SDK2: variants seen among roughly 807,000 people sequenced by gnomAD.
SDK2 encodes the protein sidekick cell adhesion molecule 2, also known as protein sidekick-2.
SDK2 carries 105 observed loss-of-function variants against 253.9 expected under a neutral mutation model. The observed-to-expected ratio is 0.41, with a 90% confidence interval of 0.35 to 0.49. The LOEUF is 0.49. Among genes scored for constraint, SDK2 ranks in the 20% least tolerant of loss-of-function variants. The pLI is 0.06. For missense variants in SDK2, 2,608 were observed against 3,003.0 expected (o/e 0.87, Z 3.07); for synonymous variants, 1,249 against 1,234.9 (o/e 1.01, Z -0.24).
intron 1 of SDK2, among the ~76,000 whole-genome samples, chr17:73,527,295 C>A (rs747528910): frequency 3.3e-5 from 5 of 152,156 alleles, no homozygotes; most frequent in Middle Eastern, 3.4e-3. Context: ...AGAAATGCAA[C>A]GTGAAGCAGG....
At position 73,465,105 on chromosome 17, in the gene SDK2, A is replaced by C. The variant is rs565406578; in HGVS notation, c.331+7007T>G. Among the ~76,000 whole-genome samples the C allele has an allele frequency of 6.6e-6, 1 of 152,290 alleles. No homozygotes were observed. Among genetic ancestry groups the C allele is most frequent in the East Asian group, 1.9e-4 (1 of 5,178 alleles). ...AGGAACTGTCACTTGGCCCCTAAGC[A>C]TCCTGCATTCAATACCCACACCTCA... On this transcript the variant is annotated intron_variant, in intron 3 of 44. Coordinates refer to ENST00000392650, the MANE Select transcript of SDK2 (RefSeq NM_001144952.2). The surrounding 1 kb of genome is among the most constrained non-coding windows in gnomAD (Gnocchi z 4.2).
At position 73,336,304 on chromosome 17, in the gene SDK2, C is replaced by G. The variant is rs2062377549; in HGVS notation, c.*2283G>C. 6.6e-6 allele frequency: 1 copy of G among 152,226 alleles called. No homozygotes were observed. Among genetic ancestry groups the G allele is most frequent in the East Asian group, 1.9e-4 (1 of 5,176 alleles). 9.4% of individuals were successfully genotyped at this position (152,226 alleles called of 1,614,324 possible). Reference sequence around the variant, plus strand: ...CTGCAGAGGGTGGGGGCGGAGGTGGCAGGGGTGGAGCAGGTGTCCAGCTGA... The same window carrying G: ...CTGCAGAGGGTGGGGGCGGAGGTGGGAGGGGTGGAGCAGGTGTCCAGCTGA... On this transcript the variant is annotated 3_prime_UTR_variant, in exon 45 of 45. Coordinates refer to ENST00000392650, the MANE Select transcript of SDK2 (RefSeq NM_001144952.2).
At chr17:73,505,206 T>C (rs1165139971) in intron 2 of SDK2, among the ~76,000 whole-genome samples, 3 of 152,352 alleles carry the variant, frequency 2.0e-5, no homozygotes, top group African/African-American at 7.2e-5. Flanking sequence ...GCAATCCTTC[T>C]TCAATGAGAG....
chr17:73,415,818 C>T lies in SDK2; in HGVS notation c.2361G>A (p.Leu787=), dbSNP rs1334771323. 23 of 1,552,284 alleles carry T rather than the reference C, an allele frequency of 1.5e-5. No homozygotes were observed. The highest frequency in any genetic ancestry group is 1.7e-4 in the Middle Eastern group (1 of 6,014). The change falls in exon 17 of 45, where the codon CTG becomes CTA. Residue 787 remains leucine (L), a synonymous_variant. Coordinates refer to ENST00000392650, the MANE Select transcript of SDK2 (RefSeq NM_001144952.2). ...VYSSKVTEWT[L]QGVPTVPPGN... is the part of the protein sequence containing the mutation. Reference sequence around the variant, plus strand: ...ACCACAGTCTCTACCTACCTCCCTGCAGCGTCCACTCGGTGACTTTACTGC... The same window carrying T: ...ACCACAGTCTCTACCTACCTCCCTGTAGCGTCCACTCGGTGACTTTACTGC...
intron 1 of SDK2, among the ~76,000 whole-genome samples, chr17:73,607,683 G>T (rs1478901631): frequency 1.3e-5 from 2 of 152,124 alleles, no homozygotes; most frequent in African/African-American, 4.8e-5. Context: ...TTCCAGAAGG[G>T]GTTGCAGGGC....
intron 1 of SDK2, among the ~76,000 whole-genome samples, chr17:73,595,640 C>A (rs762128227): frequency 1.1e-4 from 16 of 152,200 alleles, no homozygotes; most frequent in Non-Finnish European, 2.1e-4. Flanking sequence ...ATGGCCCCAG[C>A]TGTTCACCAC....
intron 1 of SDK2, among the ~76,000 whole-genome samples, chr17:73,547,389 G>A (rs1455248868): frequency 6.6e-6 from 1 of 152,240 alleles, no homozygotes; most frequent in Non-Finnish European, 1.5e-5. Context: ...GGAGGCTTTG[G>A]GCTTGGATTG....
At chr17:73,622,090 C>T (rs1402451189) in intron 1 of SDK2, among the ~76,000 whole-genome samples, 1 of 152,230 alleles carries the variant, frequency 6.6e-6, no homozygotes, top group East Asian at 1.9e-4. Flanking sequence ...GGACACCAAT[C>T]CATGTGTCCA....
At chr17:73,382,616 C>A (rs2062840019) in intron 33 of SDK2, among the ~76,000 whole-genome samples, 1 of 152,270 alleles carries the variant, frequency 6.6e-6, no homozygotes, top group African/African-American at 2.4e-5. Context: ...GCAGCATTTT[C>A]TCCAAAGCCC....
chr17:73,444,660 G>C (rs905219946), intron 5 of SDK2, among the ~76,000 whole-genome samples: 1 of 152,228 alleles, frequency 6.6e-6, no homozygotes, highest in African/African-American at 2.4e-5. Flanking sequence ...GAGGCTCAGA[G>C]ACCATGTGAC....
At chr17:73,354,072 C>T (rs556989893) in intron 40 of SDK2, among the ~76,000 whole-genome samples, 23 of 152,092 alleles carry the variant, frequency 1.5e-4, no homozygotes, top group Admixed American at 5.9e-4. Context: ...GATAGGGTCT[C>T]GCTCGGTTGC....
At chr17:73,620,363 T>C (rs1228348825) in intron 1 of SDK2, among the ~76,000 whole-genome samples, 2 of 152,176 alleles carry the variant, frequency 1.3e-5, no homozygotes, top group Non-Finnish European at 2.9e-5. Context: ...TCAGCTATAA[T>C]TAAACAAATG....
At position 73,424,831 on chromosome 17, in the gene SDK2, G is replaced by A. The variant is rs529167309; in HGVS notation, c.1584-739C>T. On this transcript the variant is annotated intron_variant, in intron 12 of 44. Coordinates refer to ENST00000392650, the MANE Select transcript of SDK2 (RefSeq NM_001144952.2). Reference sequence around the variant, plus strand: ...GCCCCGTTCAGCTGGGGTACAGGGTGGGGGCCTGAGCTGCTGGCTCCCAGG... The same window carrying A: ...GCCCCGTTCAGCTGGGGTACAGGGTAGGGGCCTGAGCTGCTGGCTCCCAGG... 3.9e-5 allele frequency among the ~76,000 whole-genome samples: 6 copies of A among 152,324 alleles called. No individual in the cohort carries two copies. In the East Asian group the frequency reaches 5.8e-4, roughly 15 times the overall value.
In SDK2 at chr17:73,382,077, G is replaced by A. The variant is rs1293342814; in HGVS notation, c.4706-1127C>T. 4.6e-5 allele frequency among the ~76,000 whole-genome samples: 7 copies of A among 152,012 alleles called. No homozygotes were observed. In the East Asian group the frequency reaches 5.8e-4, roughly 13 times the overall value. On this transcript the variant is annotated intron_variant, in intron 33 of 44. Transcript: ENST00000392650. Reference sequence around the variant, plus strand: ...TAAAATTACAAAAAATTAGCTGGGCGTGGTAGTGTGCGCCGTTAATCCCAG... The same window carrying A: ...TAAAATTACAAAAAATTAGCTGGGCATGGTAGTGTGCGCCGTTAATCCCAG...
chr17:73,565,910 G>A (rs1034170359), intron 1 of SDK2, among the ~76,000 whole-genome samples: 1 of 152,188 alleles, frequency 6.6e-6, no homozygotes. Context: ...TGCAAGCTCC[G>A]CCTCCCAGGT....
chr17:73,482,305 G>A (rs1395550121), intron 2 of SDK2, among the ~76,000 whole-genome samples: 4 of 151,666 alleles, frequency 2.6e-5, no homozygotes, highest in Admixed American at 2.6e-4. Flanking sequence ...TCTGTCTCCT[G>A]TTGGTTCTGG....
At position 73,618,130 on chromosome 17, in the gene SDK2, G is replaced by A. The variant is rs1026546253; in HGVS notation, c.64+25895C>T. On this transcript the variant is annotated intron_variant, in intron 1 of 44. Transcript: ENST00000392650. The surrounding 1 kb of genome is among the most constrained non-coding windows in gnomAD (Gnocchi z 4.1). The stretch of plus-strand genomic sequence containing the variant: ...ATACCAGGCAAATGCAAGAGACCTT[G>A]AACCAATAGATAGGTTTCCTTACCT... Among the ~76,000 whole-genome samples the A allele has an allele frequency of 1.3e-5, 2 of 152,166 alleles. No homozygotes were observed. The highest frequency in any genetic ancestry group is 4.8e-5 in the African/African-American group (2 of 41,434).
chr17:73,393,236 C>T (rs2062942498), intron 27 of SDK2, among the ~76,000 whole-genome samples: 1 of 90,328 alleles, frequency 1.1e-5, no homozygotes, highest in African/African-American at 3.7e-5. Flanking sequence ...CAGAGTGATA[C>T]TCTATCAAAA....
intron 1 of SDK2, among the ~76,000 whole-genome samples, chr17:73,585,028 C>T (rs995261569): frequency 1.3e-5 from 2 of 152,250 alleles, no homozygotes; most frequent in Non-Finnish European, 2.9e-5. Flanking sequence ...CTGCTCAGGG[C>T]TTGGTCCTGC....
Sources: allele counts gnomAD v4.1 joint callset (sites outside exome capture counted in the v4.1 genomes callset), GRCh38; gene constraint gnomAD v4.1.1; non-coding constraint Gnocchi (gnomAD v3.1); transcripts MANE v1.5; gene names NCBI Gene and HGNC (gene_info 2026-07-23, HGNC 2026-07-21).